The following L3MBTL2 variants were observed in gnomAD, a reference collection of about 807,000 sequenced individuals.
L3MBTL2 encodes the protein lethal(3)malignant brain tumor-like protein 2.
Under a neutral mutation model 86.4 loss-of-function variants are expected in L3MBTL2, and 49 were observed. The ratio of observed to expected loss-of-function variants is 0.57; its 90% CI spans 0.45 to 0.72. L3MBTL2 has a LOEUF of 0.72. Ranked by LOEUF, L3MBTL2 falls within the 30% of genes least tolerant of loss-of-function variation. L3MBTL2 has a pLI of 0.00. For synonymous variants in L3MBTL2, 336 were observed against 350.6 expected (o/e 0.96, Z 0.47); for missense variants, 755 against 923.7 (o/e 0.82, Z 2.37).
At chr22:41,212,523 G>C (rs999686717) in intron 2 of L3MBTL2, among the ~76,000 whole-genome samples, 2 of 150,930 alleles carry the variant, frequency 1.3e-5, no homozygotes, top group Non-Finnish European at 3.0e-5. Flanking sequence ...CCAGCCTCCG[G>C]AGTAGCTGGG....
At chr22:41,216,065 T>C in intron 3 of L3MBTL2, 74 bp from the exon 4 acceptor site, 2 of 1,516,448 alleles carry the variant, frequency 1.3e-6, no homozygotes, top group South Asian at 2.4e-5. Context: ...GCCCAGGACT[T>C]CAACTTGGCG....
rs1321810579 is a variant in L3MBTL2, at chr22:41,227,012, A to G, written c.1588-77A>G. ...CCCGCCCCTCCCTGCCAGTTCTTCA[A>G]GTGCCTCCGGGCCGGGGCAAGCCTG... is the stretch of plus-strand genomic sequence containing the variant. On this transcript the variant is annotated intron_variant, in intron 13 of 16. Transcript: ENST00000216237. This position sits in a 1 kb window ranked among gnomAD's most constrained non-coding sequence, Gnocchi z 6.0. The G allele has an allele frequency of 5.3e-6, 7 of 1,310,142 alleles. No homozygotes were observed. In the Admixed American group the frequency reaches 1.0e-4, roughly 19 times the overall value. The allele number at this position is 1,310,142 out of a possible 1,614,324, so 81.2% of individuals were successfully genotyped here. A position where few individuals can be genotyped will look rare whatever the true frequency, so the allele number is the denominator to read the frequency against.
intron 8 of L3MBTL2, among the ~76,000 whole-genome samples, chr22:41,221,606 A>G (rs1474555023): frequency 6.6e-6 from 1 of 151,714 alleles, no homozygotes; most frequent in Non-Finnish European, 1.5e-5. Context: ...TTTTATTAAC[A>G]TACTTTTTTG....
intron 15 of L3MBTL2, 44 bp from the exon 16 acceptor site, chr22:41,229,496 A>G (rs2032427199): frequency 1.3e-6 from 2 of 1,588,316 alleles, no homozygotes; most frequent in Non-Finnish European, 1.7e-6. Context: ...AGCCTTACCT[A>G]AATACAACCC....
intron 1 of L3MBTL2, among the ~76,000 whole-genome samples, chr22:41,206,651 T>A (rs985251384): frequency 2.0e-5 from 3 of 151,874 alleles, no homozygotes; most frequent in African/African-American, 4.8e-5. Flanking sequence ...ACAAAAAAAT[T>A]AGCCGGGCGT....
In L3MBTL2 at chr22:41,226,756, G is replaced by A. The variant is rs944680117; in HGVS notation, c.1587+12G>A. ...GACTCTTTAACATGGTGAGGAGACT[G>A]AAGTGGAGCAAGGGGCCTGCGGTGG... On this transcript the variant is annotated intron_variant, in intron 13 of 16. Transcript: ENST00000216237. The A allele has an allele frequency of 1.5e-5, 24 of 1,604,998 alleles. No homozygotes were observed. The Admixed American group carries it at 3.4e-4, about 22-fold the overall frequency.
chr22:41,225,829 CG>C lies in L3MBTL2; in HGVS notation c.1398del (p.Ser468ProfsTer73). 1.9e-6 allele frequency: 3 copies of C among 1,613,972 alleles called. No individual in the cohort carries two copies. Among genetic ancestry groups the C allele is most frequent in the South Asian group, 1.1e-5 (1 of 91,072 alleles). Reference protein sequence around the residue: ...LDGYLMICVDGGPSTDGLDWF... With the variant: ...LDGYLMICVDXGPSTDGLDWF... ...ATGGATACCTGATGATCTGTGTGGA[CG>C]GGGGGCCCTCCACAGATGGCTTGGA... On this transcript the variant is annotated frameshift_variant, in exon 12 of 17. Transcript: ENST00000216237. LOFTEE classifies it high-confidence loss of function. The surrounding 1 kb of genome is among the most constrained non-coding windows in gnomAD (Gnocchi z 4.1).
intron 3 of L3MBTL2, among the ~76,000 whole-genome samples, chr22:41,215,122 C>T (rs1160508879): frequency 6.6e-6 from 1 of 152,114 alleles, no homozygotes; most frequent in African/African-American, 2.4e-5. Context: ...GAAGTTTGAG[C>T]ACCACCGATG....
intron 2 of L3MBTL2, among the ~76,000 whole-genome samples, chr22:41,211,303 C>T (rs915715471): frequency 1.1e-4 from 17 of 152,128 alleles, no homozygotes; most frequent in African/African-American, 4.1e-4. Flanking sequence ...TGGGCTCAGG[C>T]AATCCTTCCA....
chr22:41,219,520 T>A lies in L3MBTL2; in HGVS notation c.702T>A (p.Ser234=). Residue 234 remains serine (S), a synonymous_variant, in exon 6 of 17, where the codon TCT becomes TCA. Transcript: ENST00000216237. ...VLPSRVYWIA[S]VIQTAGYRVL... is the part of the protein sequence containing the mutation. ...CCAGCCGGGTGTACTGGATCGCCTC[T>A]GTCATCCAGACAGCAGGTGAGTGTT... 1 of 1,612,108 alleles carries A rather than the reference T, an allele frequency of 6.2e-7. No homozygotes were observed. The highest frequency in any genetic ancestry group is 8.5e-7 in the Non-Finnish European group (1 of 1,178,350).
Position 41,209,509 on chromosome 22 carries a change from T to C in L3MBTL2, c.25-187T>C, listed in dbSNP as rs953142880. The C allele has an allele frequency of 2.5e-5, 15 of 596,834 alleles. No homozygotes were observed. The African/African-American group carries it at 2.7e-4, about 11-fold the overall frequency. The allele number at this position is 596,834 out of a possible 1,614,324, so 37.0% of individuals were successfully genotyped here. On this transcript the variant is annotated intron_variant, in intron 1 of 16. Transcript: ENST00000216237. ...TCCTAACACATATTTTCTGTCTTGT[T>C]AAGCTGTTGAATTGCATCATGGTGG...
intron 2 of L3MBTL2, among the ~76,000 whole-genome samples, chr22:41,210,704 T>G (rs1368994337): frequency 6.6e-6 from 1 of 152,162 alleles, no homozygotes; most frequent in African/African-American, 2.4e-5. Flanking sequence ...ACTCAGGTGA[T>G]CCACCCACCT....
chr22:41,231,099 T>C lies in L3MBTL2; in HGVS notation c.*848T>C, dbSNP rs2032566301. The C allele has an allele frequency of 6.6e-6, 1 of 152,214 alleles. No individual in the cohort carries two copies. The highest frequency in any genetic ancestry group is 1.5e-5 in the Non-Finnish European group (1 of 68,046). 9.4% of individuals were successfully genotyped at this position (152,214 alleles called of 1,614,324 possible). A position where few individuals can be genotyped will look rare whatever the true frequency, so the allele number is the denominator to read the frequency against. ...GCCTCTAGAGAGCTGGGCTTGTATGTTCTTTTGGCCTTTTGTTCCTACCTA... is the reference window on the plus strand; with the variant it reads ...GCCTCTAGAGAGCTGGGCTTGTATGCTCTTTTGGCCTTTTGTTCCTACCTA... On this transcript the variant is annotated 3_prime_UTR_variant, in exon 17 of 17. Transcript: ENST00000216237.
In L3MBTL2 at chr22:41,217,149, AAGT is replaced by A; in HGVS notation, c.548_550del (p.Lys183_Phe184delinsIle). The stretch of plus-strand genomic sequence containing the variant: ...TCTGGTCTTGGGCTTCGACTGGGGG[AAGT>A]TCCTGAAGGATCACAGTTACAAGGC... On this transcript the variant is annotated inframe_deletion, in exon 5 of 17. Transcript: ENST00000216237. The A allele has an allele frequency of 6.2e-7, 1 of 1,613,810 alleles. No homozygotes were observed. Among genetic ancestry groups the A allele is most frequent in the Non-Finnish European group, 8.5e-7 (1 of 1,179,952 alleles).
At chr22:41,207,524 C>G (rs1470677209) in intron 1 of L3MBTL2, among the ~76,000 whole-genome samples, 1 of 151,884 alleles carries the variant, frequency 6.6e-6, no homozygotes, top group African/African-American at 2.4e-5. Flanking sequence ...TGGCCAGCCC[C>G]CAAACCCTAT....
chr22:41,209,878 G>C lies in L3MBTL2; in HGVS notation c.207G>C (p.Leu69=). Residue 69 remains leucine, a synonymous_variant, in exon 2 of 17, where the codon CTG becomes CTC. Coordinates refer to ENST00000216237, the MANE Select transcript of L3MBTL2 (RefSeq NM_031488.5). ...CAGGGGAACTGCCGACCTCCCCGCT[G>C]CATTTGCTCAGCCCTGGGACTCCTC... ...REAGELPTSP[L]HLLSPGTPRS... 1.9e-6 allele frequency: 3 copies of C among 1,614,120 alleles called. No homozygotes were observed. Among genetic ancestry groups the C allele is most frequent in the Non-Finnish European group, 2.5e-6 (3 of 1,179,996 alleles).
chr22:41,227,217 C>T lies in L3MBTL2; in HGVS notation c.1716C>T (p.Gly572=), dbSNP rs141770913. ...VHRLLSIHFD[G]WDSEYDQWVD... is the part of the protein sequence containing the mutation. ...GGCTCCTCAGCATCCACTTTGACGGCTGGGACAGCGAGTACGACCAGTGGG... is the reference window on the plus strand; with the variant it reads ...GGCTCCTCAGCATCCACTTTGACGGTTGGGACAGCGAGTACGACCAGTGGG... Residue 572 remains glycine (G), a synonymous_variant, in exon 14 of 17, where the codon GGC becomes GGT. Transcript: ENST00000216237. The surrounding 1 kb of genome is among the most constrained non-coding windows in gnomAD (Gnocchi z 6.0). 3.1e-6 allele frequency: 5 copies of T among 1,613,526 alleles called. No individual in the cohort carries two copies. In the African/African-American group the frequency reaches 5.3e-5, roughly 17 times the overall value.
chr22:41,221,855 G>A (rs978904439), intron 8 of L3MBTL2, among the ~76,000 whole-genome samples: 5 of 151,102 alleles, frequency 3.3e-5, no homozygotes, highest in Admixed American at 6.6e-5. Flanking sequence ...CATCTGCCTC[G>A]GCCTCCCAAA....
rs1270655286 is a variant in L3MBTL2 at position 41,224,071 on chromosome 22, G to C, written c.994G>C (p.Val332Leu). ...TAGGCAGGGCATGCGGCTGGAAGTGGTGGACAAGTCCCAGGTGTCACGCAC... is the reference window on the plus strand; with the variant it reads ...TAGGCAGGGCATGCGGCTGGAAGTGCTGGACAAGTCCCAGGTGTCACGCAC... ...PFRQGMRLEVVDKSQVSRTRM... is the reference protein window; with the variant it reads ...PFRQGMRLEVLDKSQVSRTRM... Residue 332 changes from valine (V) to leucine (L), a missense_variant, in exon 9 of 17, where the codon GTG (valine) becomes CTG (leucine). By Grantham distance (32) the Val-to-Leu change is conservative. This residue lies in a region of L3MBTL2 where 634 missense variants were observed against 748.9 expected (regional missense o/e 0.85). Transcript: ENST00000216237. This position sits in a 1 kb window ranked among gnomAD's most constrained non-coding sequence, Gnocchi z 4.9. The C allele has an allele frequency of 6.2e-7, 1 of 1,614,200 alleles. No homozygotes were observed.
Sources: gnomAD v4.1 joint callset for allele counts (sites outside exome capture counted in the v4.1 genomes callset) on GRCh38, gnomAD v4.1.1 for gene constraint, gnomAD v4.1.1 regional missense constraint, Gnocchi (gnomAD v3.1) non-coding constraint, MANE v1.5 for transcripts, NCBI Gene and HGNC (gene_info 2026-07-23, HGNC 2026-07-21) for gene names.